The following EFNA5 variants were observed in gnomAD, a reference collection of about 807,000 sequenced individuals.
The protein encoded by EFNA5 is ephrin A5, also known as ephrin-A5.
In EFNA5, 5 loss-of-function variants were observed where a neutral mutation model predicts 22.9. The ratio of observed to expected loss-of-function variants is 0.22; its 90% CI spans 0.11 to 0.46. The LOEUF (loss-of-function observed/expected upper bound fraction) is 0.46. Among genes scored for constraint, EFNA5 ranks in the 20% least tolerant of loss-of-function variants. EFNA5 has a pLI of 0.99. For missense variants in EFNA5, 237 were observed against 293.3 expected (o/e 0.81, Z 1.40); for synonymous variants, 113 against 112.2 (o/e 1.01, Z -0.04).
chr5:107,535,572 T>C (rs908199194), intron 1 of EFNA5, among the ~76,000 whole-genome samples: 1 of 152,160 alleles, frequency 6.6e-6, no homozygotes, highest in Non-Finnish European at 1.5e-5. Flanking sequence ...TATGACATTA[T>C]TTTTATAGAA....
chr5:107,642,291 A>T (rs1299246754), intron 1 of EFNA5, among the ~76,000 whole-genome samples: 2 of 152,180 alleles, frequency 1.3e-5, no homozygotes, highest in African/African-American at 4.8e-5. Context: ...ATAGTTAATA[A>T]TATATTGTAT....
At chr5:107,523,359 C>A (rs1747634243) in intron 1 of EFNA5, among the ~76,000 whole-genome samples, 1 of 152,006 alleles carries the variant, frequency 6.6e-6, no homozygotes, top group African/African-American at 2.4e-5. Context: ...GCTTAAACCC[C>A]AAACAATCTG....
chr5:107,407,946 A>G (rs1253766497), intron 2 of EFNA5, among the ~76,000 whole-genome samples: 1 of 152,194 alleles, frequency 6.6e-6, no homozygotes, highest in Non-Finnish European at 1.5e-5. Flanking sequence ...GGAAAACGGG[A>G]GGCATTTTAC....
chr5:107,555,208 C>G (rs935554344), intron 1 of EFNA5, among the ~76,000 whole-genome samples: 1 of 152,216 alleles, frequency 6.6e-6, no homozygotes, highest in African/African-American at 2.4e-5. Flanking sequence ...TGACTGGAAT[C>G]CTCAAATCAG....
In EFNA5 at chr5:107,380,805, G is replaced by A. The variant is rs553701773; in HGVS notation, c.*450C>T. The A allele has an allele frequency of 2.5e-6, 1 of 402,768 alleles. No individual in the cohort carries two copies. Among genetic ancestry groups the A allele is most frequent in the African/African-American group, 2.0e-5 (1 of 48,864 alleles). The allele number at this position is 402,768 out of a possible 1,614,324, so 24.9% of individuals were successfully genotyped here. ...GCGATCATCTTACAGTTCTGAATGA[G>A]AAGGCATAAATATTGCATAGGAGAG... On this transcript the variant is annotated 3_prime_UTR_variant, in exon 5 of 5. Transcript: ENST00000333274.
intron 1 of EFNA5, among the ~76,000 whole-genome samples, chr5:107,526,603 G>T (rs990701041): frequency 3.9e-4 from 59 of 152,304 alleles, no homozygotes; most frequent in Non-Finnish European, 8.8e-5. Context: ...ATTATAAATA[G>T]ATTCTCTGAT....
chr5:107,487,237 CCCCGGGTGAACA>C (rs1422109017), intron 1 of EFNA5, among the ~76,000 whole-genome samples: 1 of 152,162 alleles, frequency 6.6e-6, no homozygotes, highest in Admixed American at 6.5e-5. Flanking sequence ...TCCCTCTTCC[CCCCGGGTGAACA>C]CCTAACCAAC....
intron 4 of EFNA5, among the ~76,000 whole-genome samples, chr5:107,383,984 A>G (rs1747538874): frequency 6.6e-6 from 1 of 152,136 alleles, no homozygotes; most frequent in Admixed American, 6.6e-5. Context: ...GGGCATCAGG[A>G]TCCTTCTCTT....
intron 1 of EFNA5, among the ~76,000 whole-genome samples, chr5:107,670,030 TAA>T (rs67814628): frequency 0.36 from 41,853 of 116,528 alleles, 7,377 homozygotes; most frequent in African/African-American, 0.42. Flanking sequence ...AAATTAAAAT[TAA>T]AAAAAAAAAA....
intron 2 of EFNA5, among the ~76,000 whole-genome samples, chr5:107,405,533 T>C (rs1180637660): frequency 1.4e-4 from 22 of 152,246 alleles, no homozygotes; most frequent in Admixed American, 1.4e-3. Flanking sequence ...ATGAATGTCC[T>C]ATTTAATGGC....
At chr5:107,426,363 T>C (rs1748810073) in intron 2 of EFNA5, among the ~76,000 whole-genome samples, 1 of 152,156 alleles carries the variant, frequency 6.6e-6, no homozygotes, top group Non-Finnish European at 1.5e-5. Flanking sequence ...TGGTCCACAG[T>C]TCAGTAGCAG....
At chr5:107,597,095 G>A (rs1014295512) in intron 1 of EFNA5, among the ~76,000 whole-genome samples, 4 of 151,942 alleles carry the variant, frequency 2.6e-5, no homozygotes, top group South Asian at 2.1e-4. Flanking sequence ...TAAGAACCAC[G>A]CACATAAAAA....
intron 1 of EFNA5, among the ~76,000 whole-genome samples, chr5:107,540,681 A>C (rs940912449): frequency 2.0e-5 from 3 of 152,240 alleles, no homozygotes; most frequent in East Asian, 3.8e-4. Context: ...AGAACTTATC[A>C]AAAGCATTAT....
intron 1 of EFNA5, among the ~76,000 whole-genome samples, chr5:107,618,645 G>A (rs538595192): frequency 6.6e-6 from 1 of 152,236 alleles, no homozygotes; most frequent in African/African-American, 2.4e-5. Context: ...AGAATGAGAA[G>A]GAAAATAACC....
chr5:107,411,346 T>C (rs1748361871), intron 2 of EFNA5, among the ~76,000 whole-genome samples: 1 of 152,196 alleles, frequency 6.6e-6, no homozygotes, highest in Admixed American at 6.6e-5. Flanking sequence ...AAAAAAATAC[T>C]CTGAAGAACT....
Position 107,495,222 on chromosome 5 carries a change from A to C in EFNA5, c.126-67713T>G, listed in dbSNP as rs188566631. ...GCCTTTATGAGCTATAACACTCACC[A>C]TGAAGATCTGCGGCTCCACTCCTGA... On this transcript the variant is annotated intron_variant, in intron 1 of 4. Transcript: ENST00000333274. 4.3e-3 allele frequency among the ~76,000 whole-genome samples: 661 copies of C among 152,236 alleles called. 11 individuals carry two copies. Among genetic ancestry groups the C allele is most frequent in the Non-Finnish European group, 4.1e-3 (276 of 67,992 alleles).
At chr5:107,581,656 C>G in intron 1 of EFNA5, among the ~76,000 whole-genome samples, 1 of 152,200 alleles carries the variant, frequency 6.6e-6, no homozygotes, top group East Asian at 1.9e-4. Context: ...TTGCCACATT[C>G]AAGTTTCATA....
intron 1 of EFNA5, among the ~76,000 whole-genome samples, chr5:107,528,293 G>A (rs1207384414): frequency 1.3e-5 from 2 of 152,140 alleles, no homozygotes; most frequent in Admixed American, 1.3e-4. Context: ...CTTACCTGAT[G>A]GGACACTCAT....
chr5:107,473,170 T>A (rs934743622), intron 1 of EFNA5, among the ~76,000 whole-genome samples: 3 of 152,188 alleles, frequency 2.0e-5, no homozygotes, highest in East Asian at 1.9e-4. Flanking sequence ...ACTGCTGACA[T>A]TGGTTGAAAC....
Sources: gnomAD v4.1 joint callset for allele counts (sites outside exome capture counted in the v4.1 genomes callset) on GRCh38, gnomAD v4.1.1 for gene constraint, MANE v1.5 for transcripts, NCBI Gene and HGNC (gene_info 2026-07-23, HGNC 2026-07-21) for gene names.